Variants in DPP6 observed in about 807,000 individuals in gnomAD.
DPP6 encodes the protein A-type potassium channel modulatory protein DPP6.
DPP6 carries 69 observed loss-of-function variants against 122.6 expected under a neutral mutation model. The observed-to-expected ratio is 0.56, with a 90% CI of 0.46 to 0.69. The LOEUF (loss-of-function observed/expected upper bound fraction) is 0.69, where lower values mean the gene tolerates loss of function less well. Among genes scored for constraint, DPP6 ranks in the 30% least tolerant of loss-of-function variants. DPP6 has a pLI of 0.00. For missense variants in DPP6, 928 were observed against 1,116.9 expected (o/e 0.83, Z 2.41); for synonymous variants, 418 against 433.1 (o/e 0.97, Z 0.43).
At chr7:154,320,920 A>G (rs1807895647) in intron 1 of DPP6, among the ~76,000 whole-genome samples, 1 of 152,236 alleles carries the variant, frequency 6.6e-6, no homozygotes, top group South Asian at 2.1e-4. Flanking sequence ...CTATATAAAT[A>G]TGTACTGAGC....
At chr7:154,145,486 G>T (rs1428693546) in intron 1 of DPP6, among the ~76,000 whole-genome samples, 5 of 152,164 alleles carry the variant, frequency 3.3e-5, no homozygotes, top group African/African-American at 1.2e-4. Context: ...TTTAAGCTGA[G>T]CCTGGACTTC....
intron 1 of DPP6, among the ~76,000 whole-genome samples, chr7:154,383,463 C>T (rs770163154): frequency 5.3e-5 from 8 of 152,178 alleles, no homozygotes; most frequent in Non-Finnish European, 1.2e-4. Context: ...CCGTCGAGGG[C>T]ATGTTGATTA....
intron 1 of DPP6, among the ~76,000 whole-genome samples, chr7:153,921,560 G>A (rs543190451): frequency 6.6e-6 from 1 of 152,312 alleles, no homozygotes; most frequent in Non-Finnish European, 1.5e-5. Context: ...TAAAGTGTGT[G>A]ACGTGTCTGC....
chr7:154,710,595 T>C (rs977142139), intron 7 of DPP6, among the ~76,000 whole-genome samples: 3 of 152,130 alleles, frequency 2.0e-5, no homozygotes, highest in African/African-American at 4.8e-5. Flanking sequence ...CAGGACTCCT[T>C]AGGTTGTCCT....
intron 1 of DPP6, among the ~76,000 whole-genome samples, chr7:153,993,266 G>C (rs1417891837): frequency 6.6e-6 from 1 of 152,168 alleles, no homozygotes; most frequent in Non-Finnish European, 1.5e-5. Flanking sequence ...ATGAACTCTT[G>C]TGAAGCAATA....
intron 16 of DPP6, among the ~76,000 whole-genome samples, chr7:154,813,688 T>G (rs529522005): frequency 6.6e-6 from 1 of 152,062 alleles, no homozygotes; most frequent in Non-Finnish European, 1.5e-5. Flanking sequence ...CTCTCTATTG[T>G]CTGGAAGTGA....
Position 154,769,606 on chromosome 7 carries a change from T to C in DPP6, c.1038+35T>C, listed in dbSNP as rs993797974. ...GGGACACCGCACAGCAAATTCTTTATATTATTCATGAACACCCCAACCCTG... is the reference window on the plus strand; with the variant it reads ...GGGACACCGCACAGCAAATTCTTTACATTATTCATGAACACCCCAACCCTG... On this transcript the variant is annotated intron_variant, in intron 9 of 25. Coordinates refer to ENST00000377770, the MANE Select transcript of DPP6 (RefSeq NM_130797.4). 4.6e-6 allele frequency: 7 copies of C among 1,528,906 alleles called. No individual in the cohort carries two copies. The African/African-American group carries it at 9.7e-5, about 21-fold the overall frequency. The allele number at this position is 1,528,906 out of a possible 1,614,324, so 94.7% of individuals were successfully genotyped here. A position where few individuals can be genotyped will look rare whatever the true frequency, so the allele number is the denominator to read the frequency against.
At chr7:154,375,059 G>C (rs1420204492) in intron 1 of DPP6, among the ~76,000 whole-genome samples, 1 of 152,176 alleles carries the variant, frequency 6.6e-6, no homozygotes, top group East Asian at 1.9e-4. Context: ...TGCAAACCGT[G>C]AACCCATCTC....
the DPP6 span, among the ~76,000 whole-genome samples, chr7:153,846,616 C>T: frequency 4.7e-5 from 7 of 149,374 alleles, no homozygotes; most frequent in South Asian, 4.2e-4. Flanking sequence ...AATCTCTATT[C>T]TTCTTCTGCA....
chr7:154,715,600 C>T (rs546752383), intron 7 of DPP6, among the ~76,000 whole-genome samples: 9 of 152,258 alleles, frequency 5.9e-5, no homozygotes, highest in South Asian at 4.1e-4. Flanking sequence ...ACCCTGCAGC[C>T]GTCAAATGTG....
chr7:154,599,106 T>C (rs968950856), intron 5 of DPP6, among the ~76,000 whole-genome samples: 1 of 152,176 alleles, frequency 6.6e-6, no homozygotes, highest in Non-Finnish European at 1.5e-5. Flanking sequence ...GGTGTGAGTT[T>C]TCTGCCAGCA....
At chr7:154,416,310 T>G (rs1427050748) in intron 1 of DPP6, among the ~76,000 whole-genome samples, 1 of 152,112 alleles carries the variant, frequency 6.6e-6, no homozygotes, top group African/African-American at 2.4e-5. Flanking sequence ...GCTTCTAACC[T>G]ATTGTCAGAA....
chr7:154,361,603 CAAAAAAAAA>C (rs34342809), intron 1 of DPP6, among the ~76,000 whole-genome samples: 1 of 57,976 alleles, frequency 1.7e-5, no homozygotes, highest in Admixed American at 1.8e-4. Context: ...AATTGCTAGC[CAAAAAAAAA>C]AAAAAAAAAA....
chr7:154,244,008 T>C (rs1801817733), intron 1 of DPP6, among the ~76,000 whole-genome samples: 1 of 152,180 alleles, frequency 6.6e-6, no homozygotes, highest in Non-Finnish European at 1.5e-5. Flanking sequence ...ATAAAACTTT[T>C]CTAATATTTA....
chr7:153,909,628 C>T (rs78013410), intron 1 of DPP6, among the ~76,000 whole-genome samples: 4,936 of 152,204 alleles, frequency 0.032, 117 homozygotes, highest in East Asian at 0.081. Flanking sequence ...ACATCGCAAA[C>T]GACCTCCTTC....
chr7:153,801,874 C>G, the DPP6 span, among the ~76,000 whole-genome samples: 1,576 of 152,180 alleles, frequency 0.01, 8 homozygotes, highest in Middle Eastern at 0.017. Context: ...ATACTGATTT[C>G]TCTGTTTCTA....
At chr7:154,480,068 A>G (rs948816999) in intron 3 of DPP6, among the ~76,000 whole-genome samples, 4 of 150,516 alleles carry the variant, frequency 2.7e-5, no homozygotes, top group African/African-American at 9.8e-5. Context: ...CACTCAATCT[A>G]AAGGAACCAC....
intron 1 of DPP6, among the ~76,000 whole-genome samples, chr7:153,914,802 T>C (rs772105897): frequency 6.6e-6 from 1 of 152,166 alleles, no homozygotes; most frequent in Non-Finnish European, 1.5e-5. Flanking sequence ...CCAAGAAAGC[T>C]CTCTGACCAT....
intron 8 of DPP6, among the ~76,000 whole-genome samples, chr7:154,749,622 T>G (rs797044): frequency 1.4e-3 from 112 of 78,122 alleles, no homozygotes; most frequent in African/African-American, 1.8e-3. Context: ...ACTGTGAGAG[T>G]GTGAGGAAGC....
Sources: gnomAD v4.1 joint callset for allele counts (sites outside exome capture counted in the v4.1 genomes callset) on GRCh38, gnomAD v4.1.1 for gene constraint, MANE v1.5 for transcripts, NCBI Gene and HGNC (gene_info 2026-07-23, HGNC 2026-07-21) for gene names.